GRID2IP: variants seen among roughly 807,000 people sequenced by gnomAD.
GRID2IP encodes the protein delphilin.
Under a neutral mutation model 114.3 loss-of-function variants are expected in GRID2IP, and 78 were observed. That is an observed-to-expected ratio of 0.68 (90% confidence interval 0.57 to 0.82). The LOEUF (loss-of-function observed/expected upper bound fraction) is 0.82, where lower values mean the gene tolerates loss of function less well. GRID2IP is among the 40% of genes least tolerant of loss of function. GRID2IP has a pLI of 0.00. For missense variants in GRID2IP, 1,727 were observed against 1,678.5 expected (o/e 1.03, Z -0.51); for synonymous variants, 809 against 724.0 (o/e 1.12, Z -1.89).
Position 6,519,818 on chromosome 7 carries a change from C to A in GRID2IP, c.1268+760G>T, listed in dbSNP as rs1451322547. Among the ~76,000 whole-genome samples, 1 of 152,150 alleles carries A rather than the reference C, an allele frequency of 6.6e-6. No homozygotes were observed. The highest frequency in any genetic ancestry group is 1.9e-4 in the East Asian group (1 of 5,194). On this transcript the variant is annotated intron_variant, in intron 7 of 21. Coordinates refer to ENST00000457091, the MANE Select transcript of GRID2IP (RefSeq NM_001145118.2). This position sits in a 1 kb window ranked among gnomAD's most constrained non-coding sequence, Gnocchi z 4.1. Reference sequence around the variant, plus strand: ...AAAACAAAAAGGTATGGACAAGTGACAGGCTTTGCAGAGACCATAATAATG... The same window carrying A: ...AAAACAAAAAGGTATGGACAAGTGAAAGGCTTTGCAGAGACCATAATAATG...
chr7:6,522,072 G>T (rs776876733), intron 4 of GRID2IP, 115 bp from the exon 5 acceptor site: 12 of 808,504 alleles, frequency 1.5e-5, no homozygotes, highest in Non-Finnish European at 2.2e-5. Context: ...ATAGCTTGCC[G>T]GGCATGGTGG....
chr7:6,525,295 A>C (rs1240526942), intron 4 of GRID2IP, among the ~76,000 whole-genome samples: 1 of 152,024 alleles, frequency 6.6e-6, no homozygotes, highest in Non-Finnish European at 1.5e-5. Context: ...CAACAAGAGC[A>C]AAACTCTGTC....
chr7:6,545,603 C>T (rs945525028), intron 1 of GRID2IP, among the ~76,000 whole-genome samples: 5 of 152,184 alleles, frequency 3.3e-5, no homozygotes, highest in Admixed American at 6.5e-5. Flanking sequence ...GTTCTGTACA[C>T]GTCTGAATCC....
In GRID2IP at chr7:6,538,236, C is replaced by T. The variant is rs996907372; in HGVS notation, c.584+1482G>A. Among the ~76,000 whole-genome samples the T allele has an allele frequency of 3.3e-5, 5 of 151,954 alleles. No individual in the cohort carries two copies. In the South Asian group the frequency reaches 6.2e-4, roughly 19 times the overall value. On this transcript the variant is annotated intron_variant, in intron 2 of 21. Transcript: ENST00000457091. ...CAAAAATTAGCTGGGCATGGTGGCA[C>T]GCACCTGAAGTCCCAGCTACTCAGG...
At position 6,526,499 on chromosome 7, in the gene GRID2IP, A is replaced by G. The variant is rs1369015491; in HGVS notation, c.833+22T>C. 7 of 1,361,042 alleles carry G rather than the reference A, an allele frequency of 5.1e-6. No homozygotes were observed. The highest frequency in any genetic ancestry group is 6.6e-6 in the Non-Finnish European group (7 of 1,058,456). The allele number at this position is 1,361,042 out of a possible 1,614,324, so 84.3% of individuals were successfully genotyped here. ...CACCCGCAGGGAGGCGCCCGCTGCC[A>G]GTGCCTGTGAGCCCCGCGTACCTGC... On this transcript the variant is annotated intron_variant, in intron 3 of 21. Transcript: ENST00000457091. The surrounding 1 kb of genome is among the most constrained non-coding windows in gnomAD (Gnocchi z 7.6).
At chr7:6,497,947 G>A in intron 21 of GRID2IP, 102 bp from the exon 22 acceptor site, 1 of 1,401,052 alleles carries the variant, frequency 7.1e-7, no homozygotes, top group Non-Finnish European at 9.7e-7. Flanking sequence ...GGGGGTTAGG[G>A]GGACATGTCG....
rs529069802 is a variant in GRID2IP at position 6,536,464 on chromosome 7, C to A, written c.584+3254G>T. 1.7e-4 allele frequency among the ~76,000 whole-genome samples: 26 copies of A among 152,330 alleles called. No individual in the cohort carries two copies. Among genetic ancestry groups the A allele is most frequent in the Admixed American group, 1.7e-3 (26 of 15,306 alleles). On this transcript the variant is annotated intron_variant, in intron 2 of 21. Transcript: ENST00000457091. The surrounding 1 kb of genome is among the most constrained non-coding windows in gnomAD (Gnocchi z 5.3). ...CCGCAGCTGCCGGCGGCTTGGGGAC[C>A]AGCGGCGGCTGGGAAAGGCGGGCAT...
chr7:6,538,849 G>C (rs573124979), intron 2 of GRID2IP, among the ~76,000 whole-genome samples: 2 of 152,202 alleles, frequency 1.3e-5, no homozygotes, highest in South Asian at 2.1e-4. Flanking sequence ...ACTCCAGCCT[G>C]GGCGATAGAG....
intron 14 of GRID2IP, among the ~76,000 whole-genome samples, chr7:6,505,514 T>A (rs900836390): frequency 1.1e-4 from 17 of 152,034 alleles, no homozygotes; most frequent in Non-Finnish European, 1.0e-4. Context: ...ACCACAGACA[T>A]CCTCCATGTG....
At chr7:6,530,250 G>A (rs1779592518) in intron 2 of GRID2IP, among the ~76,000 whole-genome samples, 1 of 151,652 alleles carries the variant, frequency 6.6e-6, no homozygotes. Flanking sequence ...GAGCCACCGC[G>A]CCTGGCCTTT....
At chr7:6,512,345 C>T (rs2115059735) in intron 8 of GRID2IP, among the ~76,000 whole-genome samples, 1 of 150,318 alleles carries the variant, frequency 6.7e-6, no homozygotes, top group East Asian at 1.9e-4. Flanking sequence ...CCTGAGCCTC[C>T]CCTGCAGCTG....
At chr7:6,530,955 C>T (rs552827180) in intron 2 of GRID2IP, 2 of 538,726 alleles carry the variant, frequency 3.7e-6, no homozygotes, top group Non-Finnish European at 3.3e-6. Flanking sequence ...CCACCCAGGG[C>T]AGGGAAGCCC....
rs898522604 is a variant in GRID2IP, at chr7:6,509,135, G to C, written c.1950C>G (p.Pro650=). The C allele has an allele frequency of 1.8e-5, 26 of 1,473,344 alleles. No individual in the cohort carries two copies. The highest frequency in any genetic ancestry group is 2.3e-5 in the Non-Finnish European group (26 of 1,112,098). The allele number at this position is 1,473,344 out of a possible 1,614,324, so 91.3% of individuals were successfully genotyped here. The change falls in exon 12 of 22, where the codon CCC becomes CCG. Residue 650 remains proline, a synonymous_variant. Coordinates refer to ENST00000457091, the MANE Select transcript of GRID2IP (RefSeq NM_001145118.2). This position sits in a 1 kb window ranked among gnomAD's most constrained non-coding sequence, Gnocchi z 4.9. ...SPQPGPGPIC[P]DSPPSPDPTR... is the part of the protein sequence containing the mutation. ...TGGGGTCCGGGCTTGGGGGGCTGTCGGGGCAGATGGGCCCGGGGCCTGGCT... is the reference window on the plus strand; with the variant it reads ...TGGGGTCCGGGCTTGGGGGGCTGTCCGGGCAGATGGGCCCGGGGCCTGGCT...
rs755909402 is a variant in GRID2IP at position 6,498,177 on chromosome 7, G to A, written c.3451C>T (p.Arg1151Cys). 3.9e-6 allele frequency: 6 copies of A among 1,550,968 alleles called. No individual in the cohort carries two copies. In the South Asian group the frequency reaches 4.8e-5, roughly 12 times the overall value. Residue 1151 changes from arginine to cysteine, a missense_variant, in exon 21 of 22, where the codon CGC becomes TGC. Physicochemically the swap from Arg to Cys is radical, Grantham distance 180. Coordinates refer to ENST00000457091, the MANE Select transcript of GRID2IP (RefSeq NM_001145118.2). ...PALRALDGLQ[R>C]EAMEELGKAL... ...TTGCCCAGCTCCTCCATGGCCTCGCGCTGCAGCCCGTCGAGCGCCCGAAGT... is the reference window on the plus strand; with the variant it reads ...TTGCCCAGCTCCTCCATGGCCTCGCACTGCAGCCCGTCGAGCGCCCGAAGT...
rs185457723 is a variant in GRID2IP at position 6,525,370 on chromosome 7, C to G, written c.919+854G>C. On this transcript the variant is annotated intron_variant, in intron 4 of 21. Transcript: ENST00000457091. The stretch of plus-strand genomic sequence containing the variant: ...GGTGTGATGGCTCACGCCTGTACTC[C>G]CAGCGCTTTGGGAGGCCAAGGCGGG... Among the ~76,000 whole-genome samples, 53 of 152,104 alleles carry G rather than the reference C, an allele frequency of 3.5e-4. 1 individual carries two copies. The East Asian group carries it at 9.2e-3, about 26-fold the overall frequency.
chr7:6,512,703 G>A (rs1458474302), intron 8 of GRID2IP, among the ~76,000 whole-genome samples: 1 of 151,940 alleles, frequency 6.6e-6, no homozygotes, highest in Non-Finnish European at 1.5e-5. Context: ...TACAGATGAG[G>A]TTTCCCCATG....
intron 20 of GRID2IP, among the ~76,000 whole-genome samples, chr7:6,499,230 A>G (rs187515579): frequency 2.4e-4 from 36 of 152,270 alleles, no homozygotes; most frequent in African/African-American, 8.4e-4. Context: ...GCCACGGTTG[A>G]ACCCACCAGG....
In GRID2IP at chr7:6,532,079, T is replaced by A. The variant is rs1779638490; in HGVS notation, c.585-5310A>T. Among the ~76,000 whole-genome samples, 1 of 151,596 alleles carries A rather than the reference T, an allele frequency of 6.6e-6. No homozygotes were observed. Among genetic ancestry groups the A allele is most frequent in the South Asian group, 2.1e-4 (1 of 4,790 alleles). On this transcript the variant is annotated intron_variant, in intron 2 of 21. Transcript: ENST00000457091. The surrounding 1 kb of genome is among the most constrained non-coding windows in gnomAD (Gnocchi z 4.4). ...GAGAGGGAGGCCACAGGAAAGGAGG[T>A]CTGGACTCATCCCTGGAGGCTCTGG...
chr7:6,522,482 G>A (rs1779430440), intron 4 of GRID2IP, among the ~76,000 whole-genome samples: 1 of 151,868 alleles, frequency 6.6e-6, no homozygotes, highest in African/African-American at 2.4e-5. Flanking sequence ...CTTTGCTTCA[G>A]GAGAATTATT....
Sources: gnomAD v4.1 joint callset for allele counts (sites outside exome capture counted in the v4.1 genomes callset) on GRCh38, gnomAD v4.1.1 for gene constraint, Gnocchi (gnomAD v3.1) non-coding constraint, MANE v1.5 for transcripts, NCBI Gene and HGNC (gene_info 2026-07-23, HGNC 2026-07-21) for gene names.